Variants in FBXO25 observed in about 807,000 individuals in gnomAD.
FBXO25 encodes F-box only protein 25.
Under a neutral mutation model 51.9 loss-of-function variants are expected in FBXO25, and 45 were observed. The observed-to-expected ratio is 0.87, with a 90% CI of 0.68 to 1.11. FBXO25 has a LOEUF of 1.11. Ranked by LOEUF, FBXO25 falls within the 50% of genes most tolerant of loss-of-function variation. FBXO25 has a pLI of 0.00. For synonymous variants in FBXO25, 199 were observed against 151.0 expected, an observed-to-expected ratio of 1.32 and a Z score of -2.33; for missense variants, 507 against 428.5, an observed-to-expected ratio of 1.18 and a Z score of -1.62.
At chr8:413,393 C>G (rs1260551379) in intron 2 of FBXO25, among the ~76,000 whole-genome samples, 180 bp downstream of exon 2, 1 of 152,042 alleles carries the variant, frequency 6.6e-6, no homozygotes, top group Non-Finnish European at 1.5e-5. Context: ...TATTCATACA[C>G]AGATGCTTTC....
At chr8:462,124 G>A (rs375684624) in intron 8 of FBXO25, among the ~76,000 whole-genome samples, 10 of 152,182 alleles carry the variant, frequency 6.6e-5, no homozygotes, top group Middle Eastern at 6.8e-3. Context: ...CAGTGTGTGA[G>A]GTCTCTTGAT....
chr8:432,703 C>G (rs1364723787), intron 3 of FBXO25, among the ~76,000 whole-genome samples, 183 bp from the exon 4 acceptor site: 1 of 152,172 alleles, frequency 6.6e-6, no homozygotes, highest in Non-Finnish European at 1.5e-5. Context: ...AATCATTGTT[C>G]ATATCTTAAA....
intron 2 of FBXO25, among the ~76,000 whole-genome samples, chr8:423,343 T>C (rs1414767168): frequency 6.6e-6 from 1 of 152,184 alleles, no homozygotes; most frequent in Admixed American, 6.5e-5. Flanking sequence ...CATGTACAGA[T>C]TTGTTACATG....
rs899438532 is a variant in FBXO25 at position 438,704 on chromosome 8, C to T, written c.381+2997C>T. 5.9e-5 allele frequency among the ~76,000 whole-genome samples: 9 copies of T among 152,332 alleles called. No individual in the cohort carries two copies. In the South Asian group the frequency reaches 6.2e-4, roughly 11 times the overall value. On this transcript the variant is annotated intron_variant, in intron 5 of 9. Transcript: ENST00000350302. Reference sequence around the variant, plus strand: ...TGAGCACCTCCTGTGTGCAGATCAACGTACCTTGGCTTTTCTAACTTTCAA... The same window carrying T: ...TGAGCACCTCCTGTGTGCAGATCAATGTACCTTGGCTTTTCTAACTTTCAA...
Position 461,635 on chromosome 8 carries a change from GGAAAAA to G in FBXO25, c.844-1371_844-1366del, listed in dbSNP as rs1585100187. 1.1e-4 allele frequency among the ~76,000 whole-genome samples: 17 copies of G among 152,186 alleles called. No individual in the cohort carries two copies. In the East Asian group the frequency reaches 3.3e-3, roughly 29 times the overall value. On this transcript the variant is annotated intron_variant, in intron 8 of 9. Coordinates refer to ENST00000350302, the MANE Select transcript of FBXO25 (RefSeq NM_183420.2). ...CAGCTAAAACATCAGCATCACCTCAGGAAAAACAAAACAAAACAAAACATGCCCTTC... is the reference window on the plus strand; with the variant it reads ...CAGCTAAAACATCAGCATCACCTCAGCAAAACAAAACAAAACATGCCCTTC...
chr8:432,906 A>G lies in FBXO25; in HGVS notation c.259A>G (p.Ile87Val). The G allele has an allele frequency of 6.4e-7, 1 of 1,558,054 alleles. No homozygotes were observed. Among genetic ancestry groups the G allele is most frequent in the Non-Finnish European group, 8.6e-7 (1 of 1,156,194 alleles). Residue 87 changes from isoleucine (I) to valine (V), a missense_variant, in exon 4 of 10, where the codon ATC becomes GTC. Coordinates refer to ENST00000350302, the MANE Select transcript of FBXO25 (RefSeq NM_183420.2). ...NTQSFYREKW[I>V]YVHKESTKER... ...TCTAGGTTTTTATCGTGAAAAATGG[A>G]TCTATGTCCATAAAGAAAGCACAAA...
chr8:426,274 T>C (rs546210578), intron 2 of FBXO25, among the ~76,000 whole-genome samples: 11 of 152,332 alleles, frequency 7.2e-5, no homozygotes, highest in African/African-American at 1.2e-4. Flanking sequence ...ATAAAAAATA[T>C]GTGTGACTTT....
intron 5 of FBXO25, among the ~76,000 whole-genome samples, chr8:440,233 C>T (rs1244746396): frequency 6.6e-6 from 1 of 152,254 alleles, no homozygotes; most frequent in Admixed American, 6.5e-5. Flanking sequence ...TAGATTTTAG[C>T]ATCTACCTCA....
intron 2 of FBXO25, among the ~76,000 whole-genome samples, chr8:423,344 T>A (rs1316393071): frequency 1.3e-5 from 2 of 152,198 alleles, no homozygotes; most frequent in African/African-American, 4.8e-5. Context: ...ATGTACAGAT[T>A]TGTTACATGA....
At chr8:458,623 A>T in intron 8 of FBXO25, 72 bp downstream of exon 8, 1 of 1,419,818 alleles carries the variant, frequency 7.0e-7, no homozygotes, top group African/African-American at 1.4e-5. Context: ...TACCCTATAA[A>T]CTCACCTGGA....
Position 475,254 on chromosome 8 carries a change from G to A in FBXO25, c.*6450G>A, listed in dbSNP as rs943301731. ...CCATCAAAAATCATTTGACCCATAT[G>A]TGCAAGGGTTTATTTGGGGATTTGC... On this transcript the variant is annotated 3_prime_UTR_variant, in exon 10 of 10. Transcript: ENST00000350302. 4.2e-6 allele frequency: 1 copy of A among 239,270 alleles called. No individual in the cohort carries two copies. Among genetic ancestry groups the A allele is most frequent in the African/African-American group, 2.3e-5 (1 of 42,596 alleles). The allele number at this position is 239,270 out of a possible 1,614,324, so 14.8% of individuals were successfully genotyped here.
chr8:457,720 T>A (rs1192108075), intron 7 of FBXO25, among the ~76,000 whole-genome samples: 1 of 152,228 alleles, frequency 6.6e-6, no homozygotes. Flanking sequence ...CTTGAGGTGA[T>A]GGACAGTGAG....
intron 7 of FBXO25, among the ~76,000 whole-genome samples, chr8:457,567 A>T (rs924347703): frequency 6.6e-6 from 1 of 152,184 alleles, no homozygotes; most frequent in Non-Finnish European, 1.5e-5. Flanking sequence ...GGAGGGTGAA[A>T]GGTTTCTGTA....
intron 1 of FBXO25, among the ~76,000 whole-genome samples, chr8:410,425 C>G (rs948145216): frequency 6.7e-6 from 1 of 149,940 alleles, no homozygotes; most frequent in Admixed American, 6.6e-5. Context: ...GGATTATCCA[C>G]TTGATTTTTT....
chr8:414,252 T>C (rs891549588), intron 2 of FBXO25, among the ~76,000 whole-genome samples: 15 of 152,248 alleles, frequency 9.9e-5, no homozygotes, highest in African/African-American at 1.2e-4. Flanking sequence ...GTAAAACTTA[T>C]TTAAAGCTTG....
Position 476,482 on chromosome 8 carries a change from C to CTGGGCTTTTCTTTCTTGGGAGGCTT in FBXO25, c.*7680_*7704dup, listed in dbSNP as rs1800647720. On this transcript the variant is annotated 3_prime_UTR_variant, in exon 10 of 10. Coordinates refer to ENST00000350302, the MANE Select transcript of FBXO25 (RefSeq NM_183420.2). The stretch of plus-strand genomic sequence containing the variant: ...TGTTTGCCAGAATTCCCATATGACC[C>CTGGGCTTTTCTTTCTTGGGAGGCTT]TGGGCTTTTCTTTCTTGGGAGGCTT... 1 of 152,096 alleles carries CTGGGCTTTTCTTTCTTGGGAGGCTT rather than the reference C, an allele frequency of 6.6e-6. No individual in the cohort carries two copies. Among genetic ancestry groups the CTGGGCTTTTCTTTCTTGGGAGGCTT allele is most frequent in the Non-Finnish European group, 1.5e-5 (1 of 68,018 alleles). 9.4% of individuals were successfully genotyped at this position (152,096 alleles called of 1,614,324 possible).
chr8:410,262 A>T (rs1031981521), intron 1 of FBXO25, among the ~76,000 whole-genome samples: 1 of 152,192 alleles, frequency 6.6e-6, no homozygotes, highest in African/African-American at 2.4e-5. Context: ...CTTGTATGGA[A>T]TTTGTGTGTG....
chr8:416,642 G>A (rs1031320396), intron 2 of FBXO25, among the ~76,000 whole-genome samples: 7 of 152,242 alleles, frequency 4.6e-5, no homozygotes, highest in Admixed American at 6.5e-5. Flanking sequence ...GGAATGGGCC[G>A]GAGTCCTACC....
At chr8:438,311 G>A (rs1214165841) in intron 5 of FBXO25, among the ~76,000 whole-genome samples, 2 of 152,066 alleles carry the variant, frequency 1.3e-5, no homozygotes, top group African/African-American at 4.8e-5. Flanking sequence ...CACCTGCCTC[G>A]GCCTCCCAAA....
Sources: gnomAD v4.1 joint callset for allele counts (sites outside exome capture counted in the v4.1 genomes callset) on GRCh38, gnomAD v4.1.1 for gene constraint, MANE v1.5 for transcripts, NCBI Gene and HGNC (gene_info 2026-07-23, HGNC 2026-07-21) for gene names.